Variants in NEMP2 observed in about 807,000 individuals in gnomAD.
NEMP2 encodes the protein nuclear envelope integral membrane protein 2.
NEMP2 carries 53 observed loss-of-function variants against 54.2 expected under a neutral mutation model. The ratio of observed to expected loss-of-function variants is 0.98; its 90% CI spans 0.78 to 1.23. NEMP2 has a LOEUF of 1.23. Ranked by LOEUF, NEMP2 falls within the 50% of genes most tolerant of loss-of-function variation. The pLI is 0.00. For missense variants in NEMP2, 455 were observed against 511.3 expected (o/e 0.89, Z 1.06); for synonymous variants, 197 against 190.3 (o/e 1.04, Z -0.29).
chr2:190,584,188 CT>C, the NEMP2 span, among the ~76,000 whole-genome samples: 1 of 152,174 alleles, frequency 6.6e-6, no homozygotes, highest in African/African-American at 2.4e-5. The surrounding 1 kb of genome is among the most constrained non-coding windows in gnomAD (Gnocchi z 4.2). Flanking sequence ...AAGTAGAATG[CT>C]TTCCTCTGAG....
At chr2:190,467,174 A>G in the NEMP2 span, among the ~76,000 whole-genome samples, 1 of 152,336 alleles carries the variant, frequency 6.6e-6, no homozygotes, top group East Asian at 1.9e-4. This position sits in a 1 kb window ranked among gnomAD's most constrained non-coding sequence, Gnocchi z 5.5. Context: ...GAGTTAGACC[A>G]CTGGTTCTCC....
chr2:190,454,750 T>C, the NEMP2 span, among the ~76,000 whole-genome samples: 1 of 152,150 alleles, frequency 6.6e-6, no homozygotes. This position sits in a 1 kb window ranked among gnomAD's most constrained non-coding sequence, Gnocchi z 4.6. Flanking sequence ...AAATTAATAA[T>C]GTGTCTAAAT....
the NEMP2 span, among the ~76,000 whole-genome samples, chr2:190,624,148 T>C: frequency 1.3e-5 from 2 of 152,006 alleles, no homozygotes; most frequent in South Asian, 2.1e-4. Flanking sequence ...AAGACCCAAA[T>C]AGATATTTCT....
At chr2:190,436,797 C>A in the NEMP2 span, 1 of 1,614,140 alleles carries the variant, frequency 6.2e-7, no homozygotes, top group Non-Finnish European at 8.5e-7. This position sits in a 1 kb window ranked among gnomAD's most constrained non-coding sequence, Gnocchi z 5.3. Context: ...GAAGCGTAAC[C>A]AAGGAGACAA....
the NEMP2 span, among the ~76,000 whole-genome samples, chr2:190,488,028 G>A: frequency 0.011 from 1,716 of 152,124 alleles, 39 homozygotes; most frequent in African/African-American, 0.038. The surrounding 1 kb of genome is among the most constrained non-coding windows in gnomAD (Gnocchi z 6.4). Context: ...TCAGCCTCCC[G>A]AGTAGCTGGG....
the NEMP2 span, among the ~76,000 whole-genome samples, chr2:190,466,135 A>T: frequency 0.46 from 70,041 of 151,828 alleles, 16,652 homozygotes; most frequent in East Asian, 0.61. Context: ...TCTTGGAAAA[A>T]CACCAGTTAT....
chr2:190,475,251 A>C, the NEMP2 span, among the ~76,000 whole-genome samples: 1 of 152,200 alleles, frequency 6.6e-6, no homozygotes, highest in Non-Finnish European at 1.5e-5. Context: ...AGGGTATTCA[A>C]TTAGGAAAAG....
At chr2:190,498,289 C>T in the NEMP2 span, among the ~76,000 whole-genome samples, 7 of 152,090 alleles carry the variant, frequency 4.6e-5, no homozygotes, top group East Asian at 1.9e-4. The surrounding 1 kb of genome is among the most constrained non-coding windows in gnomAD (Gnocchi z 5.9). Flanking sequence ...AGGTGTATCC[C>T]GACTTTGGAA....
At chr2:190,544,339 A>G in the NEMP2 span, among the ~76,000 whole-genome samples, 1 of 152,194 alleles carries the variant, frequency 6.6e-6, no homozygotes, top group Non-Finnish European at 1.5e-5. Context: ...CAATAAAAAT[A>G]AATGATATTG....
chr2:190,448,758 C>T, the NEMP2 span, among the ~76,000 whole-genome samples: 6 of 152,140 alleles, frequency 3.9e-5, no homozygotes, highest in Admixed American at 3.3e-4. Context: ...CAAAGGGGAC[C>T]TCTACATTAT....
chr2:190,553,644 G>C, the NEMP2 span, among the ~76,000 whole-genome samples: 1 of 152,190 alleles, frequency 6.6e-6, no homozygotes, highest in Non-Finnish European at 1.5e-5. Context: ...AGCAGCTCCA[G>C]GTGGCATCAC....
the NEMP2 span, among the ~76,000 whole-genome samples, chr2:190,630,957 G>T: frequency 6.6e-6 from 1 of 151,098 alleles, no homozygotes; most frequent in Non-Finnish European, 1.5e-5. This position sits in a 1 kb window ranked among gnomAD's most constrained non-coding sequence, Gnocchi z 5.5. Context: ...GAGGCCAGGA[G>T]TTTGGGACCA....
At chr2:190,593,466 G>C in the NEMP2 span, among the ~76,000 whole-genome samples, 592 of 152,298 alleles carry the variant, frequency 3.9e-3, 3 homozygotes, top group African/African-American at 0.014. The surrounding 1 kb of genome is among the most constrained non-coding windows in gnomAD (Gnocchi z 4.5). Context: ...TGCCATGTCT[G>C]AGTTCCAGCC....
rs1690694864 is a variant in NEMP2, at chr2:190,519,874, T to G, written c.214-691A>C. ...CAAACGGAAGGTTTGTGCAACTCTGTGTCAGGCAAATCTACTGGCACCATT... is the reference window on the plus strand; with the variant it reads ...CAAACGGAAGGTTTGTGCAACTCTGGGTCAGGCAAATCTACTGGCACCATT... On this transcript the variant is annotated intron_variant, in intron 2 of 8. Coordinates refer to ENST00000409150, the MANE Select transcript of NEMP2 (RefSeq NM_001142645.2). The surrounding 1 kb of genome is among the most constrained non-coding windows in gnomAD (Gnocchi z 5.4). Among the ~76,000 whole-genome samples, 1 of 152,242 alleles carries G rather than the reference T, an allele frequency of 6.6e-6. No homozygotes were observed. The highest frequency in any genetic ancestry group is 2.4e-5 in the African/African-American group (1 of 41,468).
chr2:190,637,602 G>A, the NEMP2 span, among the ~76,000 whole-genome samples: 1 of 152,158 alleles, frequency 6.6e-6, no homozygotes, highest in East Asian at 1.9e-4. This position sits in a 1 kb window ranked among gnomAD's most constrained non-coding sequence, Gnocchi z 4.5. Context: ...TACTTGCTGG[G>A]GAGTGCCTGC....
chr2:190,490,942 T>G, the NEMP2 span, among the ~76,000 whole-genome samples: 1 of 152,204 alleles, frequency 6.6e-6, no homozygotes, highest in Non-Finnish European at 1.5e-5. This position sits in a 1 kb window ranked among gnomAD's most constrained non-coding sequence, Gnocchi z 4.5. Context: ...TTTTGTTCTT[T>G]TATAATCCTA....
At chr2:190,468,084 T>G in the NEMP2 span, among the ~76,000 whole-genome samples, 1 of 152,216 alleles carries the variant, frequency 6.6e-6, no homozygotes, top group Non-Finnish European at 1.5e-5. Context: ...TAGTATATTT[T>G]GCATTTTAAT....
the NEMP2 span, chr2:190,444,800 CCATTT>C: frequency 5.8e-6 from 3 of 514,432 alleles, no homozygotes; most frequent in Non-Finnish European, 7.5e-6. Context: ...AAACCATCCT[CCATTT>C]CATTCAGAAA....
At chr2:190,561,780 T>C in the NEMP2 span, among the ~76,000 whole-genome samples, 1 of 152,170 alleles carries the variant, frequency 6.6e-6, no homozygotes, top group African/African-American at 2.4e-5. This position sits in a 1 kb window ranked among gnomAD's most constrained non-coding sequence, Gnocchi z 5.4. Flanking sequence ...AATGCCAAAA[T>C]ACCAGTACTG....
Sources: allele counts gnomAD v4.1 joint callset (sites outside exome capture counted in the v4.1 genomes callset), GRCh38; gene constraint gnomAD v4.1.1; non-coding constraint Gnocchi (gnomAD v3.1); transcripts MANE v1.5; gene names NCBI Gene and HGNC (gene_info 2026-07-23, HGNC 2026-07-21).